Variants in KAZN observed in about 807,000 individuals in gnomAD.
The protein encoded by KAZN is kazrin.
KAZN carries 40 observed loss-of-function variants against 87.4 expected under a neutral mutation model. The ratio of observed to expected loss-of-function variants is 0.46; its 90% CI spans 0.36 to 0.60. The LOEUF (loss-of-function observed/expected upper bound fraction) is 0.60, where lower values mean the gene tolerates loss of function less well. KAZN is among the 20% of genes least tolerant of loss of function. The probability of loss-of-function intolerance (pLI) is 0.00; values close to 1 mark genes in which losing one functional copy is unlikely to be tolerated. For missense variants in KAZN, 898 were observed against 1,073.9 expected (o/e 0.84, Z 2.29); for synonymous variants, 466 against 458.3 (o/e 1.02, Z -0.22).
intron 1 of KAZN, among the ~76,000 whole-genome samples, chr1:14,863,472 C>T (rs949015900): frequency 6.6e-6 from 1 of 152,154 alleles, no homozygotes; most frequent in Admixed American, 6.5e-5. Context: ...GAGGGCCCAG[C>T]CAATGGGGTC....
In KAZN at chr1:14,621,119, G is replaced by A. The variant is rs150856614; in HGVS notation, c.226+21896G>A. On this transcript the variant is annotated intron_variant, in intron 1 of 14. Transcript: ENST00000376030. Reference sequence around the variant, plus strand: ...CAAGTGAAAAGACAGTTGCTGGAATGGAGGCCAAATCCTTCATGTGCTGGT... The same window carrying A: ...CAAGTGAAAAGACAGTTGCTGGAATAGAGGCCAAATCCTTCATGTGCTGGT... Among the ~76,000 whole-genome samples, 502 of 152,306 alleles carry A rather than the reference G, an allele frequency of 3.3e-3. 3 individuals carry two copies. The highest frequency in any genetic ancestry group is 0.011 in the African/African-American group (457 of 41,564).
At chr1:15,005,064 TG>T (rs2102039659) in intron 2 of KAZN, among the ~76,000 whole-genome samples, 1 of 152,234 alleles carries the variant, frequency 6.6e-6, no homozygotes, top group South Asian at 2.1e-4. Flanking sequence ...GAGGATAATA[TG>T]CAAACCAAGC....
intron 2 of KAZN, among the ~76,000 whole-genome samples, chr1:14,209,344 C>A (rs565621167): frequency 6.6e-6 from 1 of 152,262 alleles, no homozygotes; most frequent in South Asian, 2.1e-4. Context: ...GGAGACTGGC[C>A]CAAGAGGCCT....
In KAZN at chr1:15,038,899, A is replaced by G. The variant is rs554677393; in HGVS notation, c.555+4014A>G. Among the ~76,000 whole-genome samples the G allele has an allele frequency of 6.7e-5, 10 of 149,814 alleles. No individual in the cohort carries two copies. In the South Asian group the frequency reaches 1.7e-3, roughly 25 times the overall value. ...TACTGTATACAGACATGAATGTGATATTACCAGTAGCAGATGTTTATTGTG... is the reference window on the plus strand; with the variant it reads ...TACTGTATACAGACATGAATGTGATGTTACCAGTAGCAGATGTTTATTGTG... On this transcript the variant is annotated intron_variant, in intron 3 of 14. Coordinates refer to ENST00000376030, the MANE Select transcript of KAZN (RefSeq NM_201628.3).
intron 2 of KAZN, among the ~76,000 whole-genome samples, chr1:14,990,470 C>T (rs12026576): frequency 0.24 from 36,119 of 152,170 alleles, 4,468 homozygotes; most frequent in African/African-American, 0.28. Context: ...GCAATCCACC[C>T]GCCTTGGCCT....
chr1:14,860,994 G>A (rs778281259), intron 1 of KAZN, among the ~76,000 whole-genome samples: 2 of 152,204 alleles, frequency 1.3e-5, no homozygotes, highest in Non-Finnish European at 2.9e-5. Flanking sequence ...TGGTGCATGT[G>A]AAGGAAGGGA....
Position 15,042,238 on chromosome 1 carries a change from C to T in KAZN, c.556-1751C>T, listed in dbSNP as rs1420421039. Among the ~76,000 whole-genome samples the T allele has an allele frequency of 2.6e-5, 4 of 152,192 alleles. No homozygotes were observed. In the East Asian group the frequency reaches 5.8e-4, roughly 22 times the overall value. On this transcript the variant is annotated intron_variant, in intron 3 of 14. Transcript: ENST00000376030. ...TTATAAGCAGCCTCTTGTACACCAG[C>T]GGGTTCTCAGGGACAACCCTTACCC...
At chr1:14,331,140 G>T (rs1434780906) in intron 2 of KAZN, among the ~76,000 whole-genome samples, 2 of 152,142 alleles carry the variant, frequency 1.3e-5, no homozygotes, top group African/African-American at 4.8e-5. Context: ...GAAAGTCCTG[G>T]TGGCCCCTTT....
At chr1:14,501,764 T>C (rs1670267008) in intron 2 of KAZN, among the ~76,000 whole-genome samples, 1 of 152,220 alleles carries the variant, frequency 6.6e-6, no homozygotes, top group Non-Finnish European at 1.5e-5. Flanking sequence ...AAATCCCGGC[T>C]GTAATCAATC....
intron 1 of KAZN, among the ~76,000 whole-genome samples, chr1:14,140,213 G>A (rs1307173166): frequency 1.3e-5 from 2 of 152,020 alleles, no homozygotes; most frequent in Non-Finnish European, 2.9e-5. Context: ...CAGTTAGAAA[G>A]TGTGATTTTG....
intron 2 of KAZN, among the ~76,000 whole-genome samples, chr1:14,185,153 C>A (rs1222926747): frequency 6.6e-6 from 1 of 152,126 alleles, no homozygotes; most frequent in African/African-American, 2.4e-5. Flanking sequence ...ATGGATGGTA[C>A]CGCACATGTG....
At chr1:14,955,615 C>T (rs1285697483) in intron 1 of KAZN, among the ~76,000 whole-genome samples, 1 of 149,654 alleles carries the variant, frequency 6.7e-6, no homozygotes, top group Admixed American at 6.5e-5. Flanking sequence ...CCTGGAGGCT[C>T]CCATCAACTT....
intron 2 of KAZN, among the ~76,000 whole-genome samples, chr1:14,327,372 C>T (rs1427570343): frequency 6.6e-6 from 1 of 152,134 alleles, no homozygotes; most frequent in African/African-American, 2.4e-5. Context: ...TCCCCCCACA[C>T]GCTGTCCCTT....
intron 1 of KAZN, among the ~76,000 whole-genome samples, chr1:14,807,555 G>A (rs1168616647): frequency 6.6e-6 from 1 of 152,098 alleles, no homozygotes; most frequent in East Asian, 1.9e-4. Context: ...GATCACTTGA[G>A]CCCAGGAATT....
At chr1:15,075,118 G>A (rs983428419) in intron 8 of KAZN, among the ~76,000 whole-genome samples, 4 of 152,198 alleles carry the variant, frequency 2.6e-5, no homozygotes, top group Admixed American at 6.5e-5. Context: ...TGGGAGCTGA[G>A]AGGGGTGTCA....
chr1:13,951,423 C>T (rs974954026), intron 1 of KAZN, among the ~76,000 whole-genome samples: 11 of 152,138 alleles, frequency 7.2e-5, no homozygotes, highest in African/African-American at 2.7e-4. Context: ...GTTCGGGGAC[C>T]ACACTTCCTG....
chr1:13,915,263 GAC>G (rs1338922308), intron 1 of KAZN, among the ~76,000 whole-genome samples: 3 of 152,148 alleles, frequency 2.0e-5, no homozygotes, highest in Middle Eastern at 3.2e-3. Context: ...TTGGGTGGAT[GAC>G]ACACTGCCTG....
intron 2 of KAZN, among the ~76,000 whole-genome samples, chr1:14,366,393 G>T (rs1219911138): frequency 6.6e-6 from 1 of 152,242 alleles, no homozygotes; most frequent in Non-Finnish European, 1.5e-5. Flanking sequence ...TAAATGGTCA[G>T]TCTTTCTCTG....
intron 1 of KAZN, among the ~76,000 whole-genome samples, chr1:14,764,378 T>TCCCC (rs1407501725): frequency 8.7e-5 from 6 of 68,616 alleles, no homozygotes; most frequent in African/African-American, 1.0e-4. Flanking sequence ...CCCGACCCCC[T>TCCCC]CCCCCACACC....
Sources: gnomAD v4.1 joint callset for allele counts (sites outside exome capture counted in the v4.1 genomes callset) on GRCh38, gnomAD v4.1.1 for gene constraint, MANE v1.5 for transcripts, NCBI Gene and HGNC (gene_info 2026-07-23, HGNC 2026-07-21) for gene names.